NCAM2: variants seen among roughly 807,000 people sequenced by gnomAD.
The protein encoded by NCAM2 is N-CAM-2.
Under a neutral mutation model 98.1 loss-of-function variants are expected in NCAM2, and 30 were observed. That is an observed-to-expected ratio of 0.31 (90% CI 0.23 to 0.41). The LOEUF is 0.41. Among genes scored for constraint, NCAM2 ranks in the 10% least tolerant of loss-of-function variants. NCAM2 has a pLI of 1.00. For missense variants in NCAM2, 867 were observed against 1,005.8 expected (o/e 0.86, Z 1.87); for synonymous variants, 368 against 342.4 (o/e 1.07, Z -0.83).
chr21:21,247,881 CCTT>C (rs1233095658), intron 1 of NCAM2, among the ~76,000 whole-genome samples: 1 of 152,136 alleles, frequency 6.6e-6, no homozygotes, highest in South Asian at 2.1e-4. Flanking sequence ...CTTCTTTCCT[CCTT>C]CTATTCCTCG....
chr21:21,331,736 G>T (rs1017247211), intron 6 of NCAM2, among the ~76,000 whole-genome samples: 2 of 142,566 alleles, frequency 1.4e-5, no homozygotes, highest in African/African-American at 2.6e-5. Context: ...ACACAGGCAC[G>T]TGCCACCACA....
intron 1 of NCAM2, among the ~76,000 whole-genome samples, chr21:21,177,106 G>A (rs1362572537): frequency 1.3e-5 from 2 of 152,170 alleles, no homozygotes; most frequent in Non-Finnish European, 2.9e-5. Flanking sequence ...AGAATATATT[G>A]TAGGAGCAAT....
chr21:21,173,960 G>A (rs1467385534), intron 1 of NCAM2, among the ~76,000 whole-genome samples: 7 of 152,132 alleles, frequency 4.6e-5, no homozygotes, highest in African/African-American at 1.4e-4. Context: ...TTTTGCTCTT[G>A]TCACCCAGGC....
intron 5 of NCAM2, among the ~76,000 whole-genome samples, chr21:21,303,647 CATGCCAAGTGT>C (rs1478181424): frequency 6.6e-6 from 1 of 152,094 alleles, no homozygotes; most frequent in Non-Finnish European, 1.5e-5. Flanking sequence ...GGCTGGATCA[CATGCCAAGTGT>C]ATGTTTATCA....
At chr21:21,449,984 A>G (rs549192413) in intron 12 of NCAM2, among the ~76,000 whole-genome samples, 1 of 151,906 alleles carries the variant, frequency 6.6e-6, no homozygotes, top group Admixed American at 6.6e-5. Flanking sequence ...CTTTCTTTTA[A>G]TCTTTTAAAC....
chr21:21,511,373 A>G (rs1988369431), intron 16 of NCAM2, among the ~76,000 whole-genome samples: 1 of 152,014 alleles, frequency 6.6e-6, no homozygotes, highest in East Asian at 1.9e-4. Context: ...CATATGAATG[A>G]AAACACACAA....
chr21:21,236,488 G>A (rs1406367248), intron 1 of NCAM2, among the ~76,000 whole-genome samples: 4 of 151,792 alleles, frequency 2.6e-5, no homozygotes, highest in Non-Finnish European at 5.9e-5. Context: ...ATGGTGATTT[G>A]TGCAGTTAGT....
At chr21:21,337,006 T>G (rs1024853225) in intron 7 of NCAM2, among the ~76,000 whole-genome samples, 15 of 152,134 alleles carry the variant, frequency 9.9e-5, no homozygotes, top group African/African-American at 3.1e-4. Flanking sequence ...TAAATATACT[T>G]AACATTTTTA....
In NCAM2 at chr21:21,248,729, A is replaced by ATTGTGCCACTGCAT. The variant is rs996069472; in HGVS notation, c.56-31847_56-31834dup. Among the ~76,000 whole-genome samples, 3 of 121,314 alleles carry ATTGTGCCACTGCAT rather than the reference A, an allele frequency of 2.5e-5. No individual in the cohort carries two copies. In the Admixed American group the frequency reaches 3.4e-4, roughly 14 times the overall value. The allele number at this position is 121,314 out of a possible 152,430, so 79.6% of individuals were successfully genotyped here. A position where few individuals can be genotyped will look rare whatever the true frequency, so the allele number is the denominator to read the frequency against. On this transcript the variant is annotated intron_variant, in intron 1 of 17. Coordinates refer to ENST00000400546, the MANE Select transcript of NCAM2 (RefSeq NM_004540.5). The stretch of plus-strand genomic sequence containing the variant: ...GAGGTGGAGCTTGCAGTGAGCTGAG[A>ATTGTGCCACTGCAT]TTGTGCCACTGCATTCCAGCCTGGG...
intron 7 of NCAM2, among the ~76,000 whole-genome samples, chr21:21,336,359 G>T (rs143144388): frequency 1.5e-3 from 220 of 150,680 alleles, no homozygotes; most frequent in African/African-American, 5.2e-3. Context: ...ACAACAAAAA[G>T]AGGGAAAAGG....
intron 1 of NCAM2, among the ~76,000 whole-genome samples, chr21:21,252,777 T>C (rs968077666): frequency 6.6e-6 from 1 of 152,142 alleles, no homozygotes. Flanking sequence ...CTGTTATTTT[T>C]CTTTATTTTC....
At chr21:21,414,340 A>G (rs905001035) in intron 10 of NCAM2, among the ~76,000 whole-genome samples, 1 of 152,168 alleles carries the variant, frequency 6.6e-6, no homozygotes, top group African/African-American at 2.4e-5. Context: ...TGAGCCACAA[A>G]TATTCTTAAT....
At chr21:21,370,930 A>T (rs780403751) in intron 8 of NCAM2, among the ~76,000 whole-genome samples, 16 of 151,964 alleles carry the variant, frequency 1.1e-4, no homozygotes, top group South Asian at 2.1e-4. Context: ...TGTTGAATAA[A>T]TTTTTTATTT....
intron 1 of NCAM2, among the ~76,000 whole-genome samples, chr21:21,124,071 C>G (rs866224411): frequency 4.1e-5 from 2 of 48,334 alleles, no homozygotes; most frequent in African/African-American, 1.8e-4. Flanking sequence ...TGGTATCGAT[C>G]TCTTGACCTC....
intron 1 of NCAM2, among the ~76,000 whole-genome samples, chr21:21,037,950 A>G (rs371968243): frequency 3.9e-5 from 6 of 152,228 alleles, no homozygotes; most frequent in East Asian, 1.9e-4. Flanking sequence ...AATGTAGACA[A>G]TCTCAACATT....
chr21:21,265,113 TAC>T (rs1406450586), intron 1 of NCAM2, among the ~76,000 whole-genome samples: 3 of 44,082 alleles, frequency 6.8e-5, no homozygotes, highest in East Asian at 4.9e-4. Flanking sequence ...ATAATATATA[TAC>T]ATACATATAT....
chr21:21,517,278 C>T (rs1988764583), intron 16 of NCAM2, among the ~76,000 whole-genome samples: 1 of 152,070 alleles, frequency 6.6e-6, no homozygotes, highest in African/African-American at 2.4e-5. Context: ...TTCTTATATC[C>T]TTTATTACAT....
At chr21:21,262,301 T>C in intron 1 of NCAM2, among the ~76,000 whole-genome samples, 1 of 152,140 alleles carries the variant, frequency 6.6e-6, no homozygotes, top group Non-Finnish European at 1.5e-5. Context: ...AGTACTAATC[T>C]TATTGAATAT....
chr21:21,360,613 T>C (rs1021473421), intron 8 of NCAM2, among the ~76,000 whole-genome samples: 4 of 152,006 alleles, frequency 2.6e-5, no homozygotes, highest in African/African-American at 9.7e-5. Flanking sequence ...CCTTGTTCAC[T>C]CCTTTCAATC....
Sources: allele counts gnomAD v4.1 joint callset (sites outside exome capture counted in the v4.1 genomes callset), GRCh38; gene constraint gnomAD v4.1.1; transcripts MANE v1.5; gene names NCBI Gene and HGNC (gene_info 2026-07-23, HGNC 2026-07-21).